The following AGBL4 variants were observed in gnomAD, a reference collection of about 807,000 sequenced individuals.
AGBL4 encodes AGBL carboxypeptidase 4, also known as cytosolic carboxypeptidase 6.
In AGBL4, 58 loss-of-function variants were observed where a neutral mutation model predicts 66.4. That is an observed-to-expected ratio of 0.87 (90% confidence interval 0.71 to 1.09). The LOEUF (loss-of-function observed/expected upper bound fraction) is 1.09. Ranked by LOEUF, AGBL4 falls within the 50% of genes least tolerant of loss-of-function variation. The pLI, the probability that AGBL4 is intolerant of heterozygous loss-of-function variation, is 0.00. For missense variants in AGBL4, 579 were observed against 631.0 expected (o/e 0.92, Z 0.88); for synonymous variants, 234 against 222.9 (o/e 1.05, Z -0.44).
intron 4 of AGBL4, among the ~76,000 whole-genome samples, chr1:49,062,386 T>C (rs1644418896): frequency 1.3e-5 from 2 of 152,196 alleles, no homozygotes; most frequent in Non-Finnish European, 2.9e-5. Context: ...CATACTTCAT[T>C]ATGACTTACT....
chr1:49,525,110 T>C (rs1299978611), intron 3 of AGBL4, among the ~76,000 whole-genome samples: 1 of 152,032 alleles, frequency 6.6e-6, no homozygotes, highest in Non-Finnish European at 1.5e-5. Context: ...TTATATTTAC[T>C]GAATGCCAAC....
chr1:48,807,951 G>T (rs1477655829), intron 6 of AGBL4, among the ~76,000 whole-genome samples: 1 of 152,104 alleles, frequency 6.6e-6, no homozygotes, highest in Admixed American at 6.6e-5. Flanking sequence ...GGCACATCTT[G>T]GGGCAGAGCA....
intron 1 of AGBL4, among the ~76,000 whole-genome samples, chr1:50,012,077 T>G (rs1661581964): frequency 1.3e-5 from 2 of 148,900 alleles, no homozygotes; most frequent in African/African-American, 2.5e-5. Flanking sequence ...GAGAATGGCG[T>G]GAACCTGGGA....
intron 4 of AGBL4, among the ~76,000 whole-genome samples, chr1:49,225,398 T>C (rs1649837563): frequency 1.3e-5 from 2 of 152,180 alleles, no homozygotes; most frequent in South Asian, 4.1e-4. Flanking sequence ...GGGCCACAAC[T>C]GCAAAGATAC....
At chr1:49,230,228 G>A (rs1362821415) in intron 4 of AGBL4, among the ~76,000 whole-genome samples, 1 of 152,146 alleles carries the variant, frequency 6.6e-6, no homozygotes, top group Admixed American at 6.5e-5. Context: ...TCTGAGCCTT[G>A]TTTTTACCAT....
At chr1:49,251,819 G>A (rs1296429787) in intron 3 of AGBL4, among the ~76,000 whole-genome samples, 2 of 152,156 alleles carry the variant, frequency 1.3e-5, no homozygotes, top group Non-Finnish European at 2.9e-5. Context: ...GAGCTGAGTG[G>A]TGGCTCTCTA....
At chr1:49,217,940 A>G (rs1247786975) in intron 4 of AGBL4, among the ~76,000 whole-genome samples, 3 of 152,156 alleles carry the variant, frequency 2.0e-5, no homozygotes, top group Admixed American at 6.6e-5. Flanking sequence ...TTCTGTGATC[A>G]GAAGTCATTC....
At chr1:48,802,112 G>A (rs1000605546) in intron 6 of AGBL4, among the ~76,000 whole-genome samples, 2 of 152,090 alleles carry the variant, frequency 1.3e-5, no homozygotes, top group African/African-American at 4.8e-5. Context: ...AGGCTCCTTT[G>A]TCTCCAGATC....
At chr1:48,649,160 A>G (rs1359072844) in intron 8 of AGBL4, among the ~76,000 whole-genome samples, 1 of 152,246 alleles carries the variant, frequency 6.6e-6, no homozygotes, top group Non-Finnish European at 1.5e-5. Flanking sequence ...AGTGAAGACA[A>G]TCATTAAACA....
intron 3 of AGBL4, among the ~76,000 whole-genome samples, chr1:49,298,666 G>A (rs1323381516): frequency 3.5e-5 from 5 of 143,650 alleles, no homozygotes. Flanking sequence ...TTGAAAATAA[G>A]CTGTCTGGGA....
intron 4 of AGBL4, among the ~76,000 whole-genome samples, chr1:49,102,662 A>G: frequency 6.6e-6 from 1 of 152,206 alleles, no homozygotes; most frequent in Middle Eastern, 3.2e-3. Flanking sequence ...CTAATGAATA[A>G]ATAAATGAAT....
intron 3 of AGBL4, among the ~76,000 whole-genome samples, chr1:49,441,070 T>C (rs1331927243): frequency 6.6e-6 from 1 of 151,868 alleles, no homozygotes; most frequent in Non-Finnish European, 1.5e-5. Flanking sequence ...TAATGTTCAT[T>C]CTCTTCAGGA....
At chr1:49,703,956 AT>A (rs1007473900) in intron 2 of AGBL4, among the ~76,000 whole-genome samples, 2 of 152,082 alleles carry the variant, frequency 1.3e-5, no homozygotes, top group African/African-American at 4.8e-5. Context: ...TAAAAATAAA[AT>A]TTTAAGGATC....
intron 3 of AGBL4, among the ~76,000 whole-genome samples, chr1:49,615,021 A>T (rs190074725): frequency 1.2e-3 from 185 of 152,256 alleles, no homozygotes; most frequent in Non-Finnish European, 2.2e-3. Flanking sequence ...GAAAATTGAG[A>T]TATAGAACAA....
At chr1:48,721,489 C>T (rs1647149128) in intron 6 of AGBL4, among the ~76,000 whole-genome samples, 1 of 152,198 alleles carries the variant, frequency 6.6e-6, no homozygotes, top group Non-Finnish European at 1.5e-5. Flanking sequence ...CGGTGGGGTC[C>T]AGTGTGACTG....
chr1:48,912,874 C>T (rs1453083014), intron 5 of AGBL4, among the ~76,000 whole-genome samples: 7 of 151,930 alleles, frequency 4.6e-5, no homozygotes, highest in African/African-American at 7.3e-5. Flanking sequence ...TTAGAATAAA[C>T]GTAAGGGATA....
At chr1:49,473,201 T>C (rs1646780949) in intron 3 of AGBL4, among the ~76,000 whole-genome samples, 1 of 152,050 alleles carries the variant, frequency 6.6e-6, no homozygotes, top group Non-Finnish European at 1.5e-5. Flanking sequence ...ATGACTGTTC[T>C]CTTTTAAGAA....
intron 3 of AGBL4, among the ~76,000 whole-genome samples, chr1:49,261,422 C>A (rs1023047430): frequency 1.7e-4 from 26 of 152,098 alleles, no homozygotes; most frequent in African/African-American, 4.6e-4. Flanking sequence ...ATTGGCTCAG[C>A]CCAAAATCTC....
intron 11 of AGBL4, among the ~76,000 whole-genome samples, chr1:48,551,231 A>T (rs1328040984): frequency 6.6e-6 from 1 of 152,210 alleles, no homozygotes; most frequent in South Asian, 2.1e-4. Context: ...GGCCAGGTTT[A>T]AAGTCCAAAA....
Sources: gnomAD v4.1 joint callset for allele counts (sites outside exome capture counted in the v4.1 genomes callset) on GRCh38, gnomAD v4.1.1 for gene constraint, MANE v1.5 for transcripts, NCBI Gene and HGNC (gene_info 2026-07-23, HGNC 2026-07-21) for gene names.